Variants in PDE11A observed in about 807,000 individuals in gnomAD.
PDE11A encodes dual 3',5'-cyclic-AMP and -GMP phosphodiesterase 11A.
In PDE11A, 100 loss-of-function variants were observed where a neutral mutation model predicts 100.5. The ratio of observed to expected loss-of-function variants is 1.00; its 90% CI spans 0.85 to 1.18. PDE11A has a LOEUF of 1.18. PDE11A is among the 50% of genes most tolerant of loss of function. PDE11A has a pLI of 0.00. For missense variants in PDE11A, 1,141 were observed against 1,152.6 expected, an observed-to-expected ratio of 0.99 and a Z score of 0.15; for synonymous variants, 381 against 420.8, an observed-to-expected ratio of 0.91 and a Z score of 1.16.
chr2:177,802,601 G>A (rs1389531973), intron 9 of PDE11A, among the ~76,000 whole-genome samples: 1 of 151,968 alleles, frequency 6.6e-6, no homozygotes, highest in Admixed American at 6.6e-5. Context: ...ACCTAAAAGA[G>A]TACATATTGT....
chr2:178,014,153 C>G (rs2086305169), intron 2 of PDE11A, 149 bp downstream of exon 2: 1 of 634,178 alleles, frequency 1.6e-6, no homozygotes, highest in African/African-American at 1.8e-5. Context: ...GAAAAACTCC[C>G]ATTTCATTTT....
At chr2:177,768,300 C>T (rs1365689424) in intron 10 of PDE11A, among the ~76,000 whole-genome samples, 1 of 152,138 alleles carries the variant, frequency 6.6e-6, no homozygotes, top group African/African-American at 2.4e-5. Context: ...TCCTTTGCTC[C>T]CTTTTGTCAT....
At chr2:177,631,672 T>C (rs1157636843) in intron 19 of PDE11A, among the ~76,000 whole-genome samples, 3 of 143,966 alleles carry the variant, frequency 2.1e-5, no homozygotes, top group African/African-American at 5.4e-5. Context: ...TATACACATA[T>C]ATATATGGTA....
chr2:177,632,976 T>C (rs2079978391), intron 19 of PDE11A, among the ~76,000 whole-genome samples: 1 of 152,226 alleles, frequency 6.6e-6, no homozygotes, highest in South Asian at 2.1e-4. Context: ...CAAATTAAAG[T>C]TTCCCTTTCT....
At position 177,627,008 on chromosome 2, in the gene PDE11A, T is replaced by C. The variant is rs1326971356; in HGVS notation, c.*2399A>G. ...TCTTGCTTTTATTCCCCTCTTAGTC[T>C]GGTTTATACTTTTTTTTTTTTTTTT... On this transcript the variant is annotated 3_prime_UTR_variant, in exon 20 of 20. Transcript: ENST00000286063. The C allele has an allele frequency of 7.1e-6, 1 of 140,822 alleles. No homozygotes were observed. The highest frequency in any genetic ancestry group is 1.5e-5 in the Non-Finnish European group (1 of 64,940). The allele number at this position is 140,822 out of a possible 1,614,324, so 8.7% of individuals were successfully genotyped here. A position where few individuals can be genotyped will look rare whatever the true frequency, so the allele number is the denominator to read the frequency against.
At chr2:177,996,239 A>G (rs1186036012) in intron 2 of PDE11A, among the ~76,000 whole-genome samples, 68 of 152,056 alleles carry the variant, frequency 4.5e-4, no homozygotes, top group African/African-American at 1.3e-3. Context: ...AATAAAAAAA[A>G]AAAAAGAAAA....
chr2:177,757,082 T>C (rs2082100492), intron 10 of PDE11A, among the ~76,000 whole-genome samples: 1 of 152,238 alleles, frequency 6.6e-6, no homozygotes, highest in East Asian at 1.9e-4. Flanking sequence ...GTGTGCAATG[T>C]AGTTACCTGG....
At chr2:178,061,429 G>T (rs945475800) in intron 1 of PDE11A, among the ~76,000 whole-genome samples, 3 of 152,146 alleles carry the variant, frequency 2.0e-5, no homozygotes, top group Non-Finnish European at 4.4e-5. Flanking sequence ...CCCCTGTTGA[G>T]AAAGCTAACC....
Position 177,749,094 on chromosome 2 carries a change from C to T in PDE11A, c.1788+20229G>A, listed in dbSNP as rs566113151. On this transcript the variant is annotated intron_variant, in intron 10 of 19. Transcript: ENST00000286063. ...TTCTTTAAGCCAAATACAGTGTGTG[C>T]TATTGCAAGGATGGATAGGCCAGGC... Among the ~76,000 whole-genome samples the T allele has an allele frequency of 1.6e-3, 247 of 152,288 alleles. 2 individuals are homozygous for T. The highest frequency in any genetic ancestry group is 1.5e-3 in the Non-Finnish European group (105 of 68,022).
intron 6 of PDE11A, among the ~76,000 whole-genome samples, chr2:177,832,136 A>G (rs1008226186): frequency 3.3e-5 from 5 of 152,196 alleles, no homozygotes; most frequent in Non-Finnish European, 7.3e-5. Context: ...CTCCTGATAG[A>G]TAGAAAAACC....
rs1164066216 is a variant in PDE11A, at chr2:177,729,852, C to T, written c.1789-1680G>A. Among the ~76,000 whole-genome samples the T allele has an allele frequency of 4.1e-5, 6 of 147,736 alleles. No individual in the cohort carries two copies. The East Asian group carries it at 9.8e-4, about 24-fold the overall frequency. ...CACTTTGTAAGCCCTTTTCTTTTTT[C>T]CCCCTTTTTTTTTCCAGTGTATCTA... On this transcript the variant is annotated intron_variant, in intron 10 of 19. Transcript: ENST00000286063.
At chr2:177,696,203 T>C (rs1027210979) in intron 15 of PDE11A, among the ~76,000 whole-genome samples, 2 of 152,198 alleles carry the variant, frequency 1.3e-5, no homozygotes, top group Non-Finnish European at 2.9e-5. Context: ...AGATGGAAGC[T>C]GGAGGTCTAC....
intron 5 of PDE11A, among the ~76,000 whole-genome samples, chr2:177,867,136 G>C (rs2084043638): frequency 6.6e-6 from 1 of 152,166 alleles, no homozygotes; most frequent in African/African-American, 2.4e-5. Context: ...GGATATTTTT[G>C]TCACGGATTG....
chr2:177,831,364 T>C (rs192823189), intron 6 of PDE11A, among the ~76,000 whole-genome samples: 1 of 152,364 alleles, frequency 6.6e-6, no homozygotes, highest in African/African-American at 2.4e-5. Flanking sequence ...TCTTGCTGCA[T>C]ATCTTGGGCA....
At chr2:177,929,281 C>G (rs1220811799) in intron 2 of PDE11A, among the ~76,000 whole-genome samples, 1 of 152,216 alleles carries the variant, frequency 6.6e-6, no homozygotes, top group Non-Finnish European at 1.5e-5. Flanking sequence ...GGAGTTCACA[C>G]TCTCTGGGGT....
chr2:178,106,957 CAAA>C (rs575714643), intron 1 of PDE11A, among the ~76,000 whole-genome samples: 1 of 61,146 alleles, frequency 1.6e-5, no homozygotes. Flanking sequence ...AAGACTCTCT[CAAA>C]AAAAAAAAAA....
At chr2:178,063,809 A>C (rs1403513289) in intron 1 of PDE11A, among the ~76,000 whole-genome samples, 1 of 152,182 alleles carries the variant, frequency 6.6e-6, no homozygotes, top group Non-Finnish European at 1.5e-5. Flanking sequence ...TGGGAGGGGC[A>C]TTCTCTCCAG....
At chr2:177,943,402 T>G (rs1172507544) in intron 2 of PDE11A, among the ~76,000 whole-genome samples, 1 of 152,244 alleles carries the variant, frequency 6.6e-6, no homozygotes, top group Non-Finnish European at 1.5e-5. Flanking sequence ...CTTTTTTCTT[T>G]GTTTTTGATA....
At chr2:177,926,424 G>A (rs1272684336) in intron 2 of PDE11A, among the ~76,000 whole-genome samples, 1 of 152,100 alleles carries the variant, frequency 6.6e-6, no homozygotes, top group Non-Finnish European at 1.5e-5. Flanking sequence ...AAAAGAATCA[G>A]CTTAAGGCAC....
Sources: allele counts gnomAD v4.1 joint callset (sites outside exome capture counted in the v4.1 genomes callset), GRCh38; gene constraint gnomAD v4.1.1; transcripts MANE v1.5; gene names NCBI Gene and HGNC (gene_info 2026-07-23, HGNC 2026-07-21).